CNTNAP4: variants seen among roughly 807,000 people sequenced by gnomAD.
CNTNAP4 encodes contactin-associated protein-like 4.
Under a neutral mutation model 148.4 loss-of-function variants are expected in CNTNAP4, and 98 were observed. The observed-to-expected ratio is 0.66, with a 90% CI of 0.56 to 0.78. The LOEUF (loss-of-function observed/expected upper bound fraction) is 0.78. CNTNAP4 is among the 30% of genes least tolerant of loss of function. CNTNAP4 has a pLI of 0.00. For missense variants in CNTNAP4, 1,935 were observed against 1,565.6 expected (o/e 1.24, Z -3.98); for synonymous variants, 730 against 565.1 (o/e 1.29, Z -4.14).
chr16:76,321,735 G>A (rs1962435485), intron 2 of CNTNAP4, among the ~76,000 whole-genome samples: 2 of 144,380 alleles, frequency 1.4e-5, no homozygotes, highest in Admixed American at 1.4e-4. Flanking sequence ...GTTGTAGTGA[G>A]CTGAGATCAC....
At chr16:76,530,857 C>T (rs191744407) in intron 17 of CNTNAP4, among the ~76,000 whole-genome samples, 12 of 152,304 alleles carry the variant, frequency 7.9e-5, no homozygotes, top group African/African-American at 1.4e-4. Context: ...ACTATTTCTG[C>T]AAGGCAGAGT....
intron 3 of CNTNAP4, among the ~76,000 whole-genome samples, chr16:76,387,181 A>G (rs1315539299): frequency 6.6e-6 from 1 of 152,114 alleles, no homozygotes; most frequent in Non-Finnish European, 1.5e-5. Context: ...AATTTGGTAC[A>G]CTCCATGCCT....
chr16:76,515,629 C>G (rs2083216007), intron 15 of CNTNAP4, among the ~76,000 whole-genome samples: 1 of 152,078 alleles, frequency 6.6e-6, no homozygotes, highest in African/African-American at 2.4e-5. Context: ...GTTATGGCAG[C>G]CTGGGCAGAC....
At chr16:76,309,895 C>G (rs1220762323) in intron 1 of CNTNAP4, 3 of 701,820 alleles carry the variant, frequency 4.3e-6, no homozygotes, top group Non-Finnish European at 5.2e-6. Context: ...GCCTTCCCAG[C>G]TATGTGGAAC....
intron 23 of CNTNAP4, among the ~76,000 whole-genome samples, chr16:76,554,986 T>A (rs1482001986): frequency 2.0e-5 from 3 of 151,672 alleles, no homozygotes. Context: ...ATATGAATAA[T>A]CGTATTACTG....
intron 15 of CNTNAP4, among the ~76,000 whole-genome samples, chr16:76,511,900 G>A (rs1200981270): frequency 6.6e-6 from 1 of 151,812 alleles, no homozygotes; most frequent in Non-Finnish European, 1.5e-5. Flanking sequence ...GTAGAAGCTG[G>A]TAAGAGCTAT....
intron 21 of CNTNAP4, among the ~76,000 whole-genome samples, 182 bp from the exon 22 acceptor site, chr16:76,553,101 T>C (rs966176376): frequency 1.3e-5 from 2 of 152,334 alleles, no homozygotes; most frequent in East Asian, 3.9e-4. Flanking sequence ...TTCATTAACA[T>C]TGGAAATCTT....
chr16:76,452,947 G>A (rs1466025156), intron 8 of CNTNAP4, among the ~76,000 whole-genome samples, 178 bp downstream of exon 8: 1 of 152,110 alleles, frequency 6.6e-6, no homozygotes, highest in East Asian at 1.9e-4. Flanking sequence ...TTTTAAATAT[G>A]GTTCCAACAC....
At chr16:76,494,777 C>T in intron 13 of CNTNAP4, 133 bp from the exon 14 acceptor site, 2 of 978,734 alleles carry the variant, frequency 2.0e-6, no homozygotes, top group Non-Finnish European at 3.0e-6. Context: ...TTTTGCATAT[C>T]CTTAAATCCA....
At chr16:76,390,967 A>G (rs1275834651) in intron 3 of CNTNAP4, among the ~76,000 whole-genome samples, 1 of 152,156 alleles carries the variant, frequency 6.6e-6, no homozygotes, top group Non-Finnish European at 1.5e-5. Context: ...ATCATAGAGA[A>G]TGGGGTATCC....
chr16:76,399,268 A>C (rs2078320086), intron 3 of CNTNAP4, among the ~76,000 whole-genome samples: 1 of 152,144 alleles, frequency 6.6e-6, no homozygotes. Flanking sequence ...CTTCTTTCTG[A>C]GTTTCAGTTC....
intron 3 of CNTNAP4, among the ~76,000 whole-genome samples, chr16:76,408,184 G>A (rs2078666583): frequency 1.3e-5 from 2 of 152,178 alleles, no homozygotes; most frequent in South Asian, 4.1e-4. Flanking sequence ...AACTTGATGT[G>A]ATGAAATTTA....
intron 2 of CNTNAP4, among the ~76,000 whole-genome samples, chr16:76,317,978 G>C (rs11864692): frequency 0.47 from 70,637 of 151,878 alleles, 16,969 homozygotes; most frequent in African/African-American, 0.57. Context: ...TAATGCTAGC[G>C]TTTTCTTTTT....
intron 2 of CNTNAP4, among the ~76,000 whole-genome samples, chr16:76,347,809 A>T (rs1965034521): frequency 6.6e-6 from 1 of 152,140 alleles, no homozygotes; most frequent in African/African-American, 2.4e-5. Flanking sequence ...AACTGGGAAG[A>T]AGAAAAAGAG....
intron 3 of CNTNAP4, among the ~76,000 whole-genome samples, chr16:76,398,870 G>C (rs2078303494): frequency 1.3e-5 from 2 of 151,954 alleles, no homozygotes; most frequent in South Asian, 2.1e-4. Context: ...ATCTCACCTT[G>C]TGATATGGTT....
chr16:76,298,792 C>G (rs1182778510), intron 1 of CNTNAP4, among the ~76,000 whole-genome samples: 1 of 152,004 alleles, frequency 6.6e-6, no homozygotes, highest in Non-Finnish European at 1.5e-5. Flanking sequence ...CAGTCTCTTT[C>G]TTTTTAAGCC....
intron 17 of CNTNAP4, among the ~76,000 whole-genome samples, chr16:76,523,148 G>C (rs549428789): frequency 6.6e-6 from 1 of 151,950 alleles, no homozygotes; most frequent in African/African-American, 2.4e-5. Flanking sequence ...ATGATACCAG[G>C]AATGTTTATC....
intron 18 of CNTNAP4, among the ~76,000 whole-genome samples, chr16:76,537,857 T>C (rs542159511): frequency 6.6e-6 from 1 of 152,208 alleles, no homozygotes; most frequent in South Asian, 2.1e-4. Context: ...CTGGTTTGTG[T>C]TTGAACTCAG....
chr16:76,507,183 G>T (rs2082866277), intron 15 of CNTNAP4, among the ~76,000 whole-genome samples: 1 of 96,392 alleles, frequency 1.0e-5, no homozygotes, highest in Admixed American at 1.0e-4. Flanking sequence ...TGGAAAATTG[G>T]GTATTCACCC....
Sources: gnomAD v4.1 joint callset for allele counts (sites outside exome capture counted in the v4.1 genomes callset) on GRCh38, gnomAD v4.1.1 for gene constraint, MANE v1.5 for transcripts, NCBI Gene and HGNC (gene_info 2026-07-23, HGNC 2026-07-21) for gene names.